The following PPP1R9A variants were observed in gnomAD, a reference collection of about 807,000 sequenced individuals.
PPP1R9A encodes protein phosphatase 1 regulatory subunit 9A, also known as neurabin-1.
A neutral mutation model predicts 141.9 loss-of-function variants in PPP1R9A; 59 were observed. The ratio of observed to expected loss-of-function variants is 0.42; its 90% CI spans 0.34 to 0.52. PPP1R9A has a LOEUF of 0.52. Ranked by LOEUF, PPP1R9A falls within the 20% of genes least tolerant of loss-of-function variation. The probability of loss-of-function intolerance (pLI) is 0.10; values close to 1 mark genes in which losing one functional copy is unlikely to be tolerated. For synonymous variants in PPP1R9A, 500 were observed against 569.7 expected, an observed-to-expected ratio of 0.88 and a Z score of 1.74; for missense variants, 1,444 against 1,611.9, an observed-to-expected ratio of 0.90 and a Z score of 1.78.
chr7:95,010,413 T>C (rs1002223694), intron 2 of PPP1R9A, among the ~76,000 whole-genome samples: 1 of 151,658 alleles, frequency 6.6e-6, no homozygotes, highest in African/African-American at 2.4e-5. Context: ...CCATCAGAGA[T>C]GGCAAGAAAA....
rs1815723764 is a variant in PPP1R9A, at chr7:95,080,953, A to C, written c.1396-30306A>C. Among the ~76,000 whole-genome samples, 4 of 152,224 alleles carry C rather than the reference A, an allele frequency of 2.6e-5. No homozygotes were observed. In the South Asian group the frequency reaches 8.3e-4, roughly 32 times the overall value. On this transcript the variant is annotated intron_variant, in intron 2 of 19. Coordinates refer to ENST00000433360, the MANE Select transcript of PPP1R9A (RefSeq NM_001166160.2). ...ATTTTTCCATATGGGGTAAGATGTC[A>C]ATTAAAACATTATCAGGCAGGTCAA...
chr7:94,967,933 G>A (rs1317881800), intron 2 of PPP1R9A, among the ~76,000 whole-genome samples: 4 of 152,144 alleles, frequency 2.6e-5, no homozygotes, highest in African/African-American at 9.7e-5. Flanking sequence ...GGTCAACTTG[G>A]TCCAGAGCTG....
intron 8 of PPP1R9A, among the ~76,000 whole-genome samples, chr7:95,237,430 A>G (rs911386281): frequency 2.0e-4 from 30 of 151,962 alleles, no homozygotes; most frequent in Non-Finnish European, 3.2e-4. Context: ...TCCTGACCTC[A>G]GGTGATCTGC....
intron 4 of PPP1R9A, among the ~76,000 whole-genome samples, chr7:95,149,992 G>A (rs965808517): frequency 6.6e-6 from 1 of 152,006 alleles, no homozygotes; most frequent in South Asian, 2.1e-4. Flanking sequence ...GTGTGGTACT[G>A]GCAAAAGAAT....
chr7:94,924,612 TC>T (rs1793235458), intron 2 of PPP1R9A, among the ~76,000 whole-genome samples: 1 of 152,204 alleles, frequency 6.6e-6, no homozygotes, highest in African/African-American at 2.4e-5. Flanking sequence ...TACTGCAACT[TC>T]CGTCTCCCGA....
intron 2 of PPP1R9A, among the ~76,000 whole-genome samples, chr7:95,039,946 C>T (rs1364482676): frequency 6.6e-6 from 1 of 152,008 alleles, no homozygotes; most frequent in Non-Finnish European, 1.5e-5. Flanking sequence ...TCAAAACAAA[C>T]AAAAACCAAA....
At chr7:94,915,538 G>T (rs762571254) in intron 2 of PPP1R9A, among the ~76,000 whole-genome samples, 16 of 152,314 alleles carry the variant, frequency 1.1e-4, no homozygotes, top group Middle Eastern at 6.8e-3. Context: ...TATCTCAGAG[G>T]TTATGGAATA....
intron 2 of PPP1R9A, among the ~76,000 whole-genome samples, chr7:95,039,410 T>TG: frequency 6.6e-6 from 1 of 151,988 alleles, no homozygotes; most frequent in South Asian, 2.1e-4. Context: ...CTCTACTTTT[T>TG]AGTTGGGCTT....
chr7:95,168,488 T>C (rs140758401), intron 5 of PPP1R9A, among the ~76,000 whole-genome samples: 1 of 150,286 alleles, frequency 6.7e-6, no homozygotes, highest in Non-Finnish European at 1.5e-5. Flanking sequence ...TCTAGGCAAA[T>C]ACTTTATGGC....
intron 2 of PPP1R9A, chr7:95,018,185 G>T: frequency 4.5e-6 from 1 of 222,300 alleles, no homozygotes; most frequent in South Asian, 8.8e-5. Flanking sequence ...TTCATCTGCT[G>T]ACTCCAAGAA....
chr7:95,210,048 G>A (rs1457518800), intron 7 of PPP1R9A, among the ~76,000 whole-genome samples: 2 of 152,140 alleles, frequency 1.3e-5, no homozygotes, highest in Non-Finnish European at 2.9e-5. Context: ...ACTTTGGTCT[G>A]TCGACCGTTT....
intron 2 of PPP1R9A, among the ~76,000 whole-genome samples, chr7:95,094,463 G>C (rs1158442127): frequency 4.6e-5 from 7 of 152,140 alleles, no homozygotes; most frequent in Admixed American, 4.6e-4. Flanking sequence ...ACAGTGATGT[G>C]ATTAGAGCCA....
chr7:95,069,762 A>T (rs1268785013), intron 2 of PPP1R9A, among the ~76,000 whole-genome samples: 1 of 151,924 alleles, frequency 6.6e-6, no homozygotes, highest in Non-Finnish European at 1.5e-5. Flanking sequence ...TTTCTTTTTC[A>T]TGAGAATGTT....
chr7:95,130,390 AT>A (rs1824372552), intron 4 of PPP1R9A, among the ~76,000 whole-genome samples: 1 of 152,200 alleles, frequency 6.6e-6, no homozygotes, highest in South Asian at 2.1e-4. Context: ...CTTTGCCTAG[AT>A]TTCAGAGGAC....
chr7:95,102,017 A>C lies in PPP1R9A; in HGVS notation c.1396-9242A>C, dbSNP rs566691891. Reference sequence around the variant, plus strand: ...CTCTCCTTGCAAAAGTAGCTTATGGATATTATCTTTTACCTGGGTAGAGGG... The same window carrying C: ...CTCTCCTTGCAAAAGTAGCTTATGGCTATTATCTTTTACCTGGGTAGAGGG... On this transcript the variant is annotated intron_variant, in intron 2 of 19. Coordinates refer to ENST00000433360, the MANE Select transcript of PPP1R9A (RefSeq NM_001166160.2). Among the ~76,000 whole-genome samples the C allele has an allele frequency of 2.0e-4, 31 of 152,112 alleles. 1 individual carries two copies. Among genetic ancestry groups the C allele is most frequent in the Admixed American group, 6.5e-4 (10 of 15,268 alleles).
chr7:94,994,273 A>G (rs892003333), intron 2 of PPP1R9A, among the ~76,000 whole-genome samples: 2 of 152,120 alleles, frequency 1.3e-5, no homozygotes, highest in Non-Finnish European at 2.9e-5. Context: ...CGCTGGGTAT[A>G]GGGCAGGACA....
rs191260408 is a variant in PPP1R9A at position 95,044,743 on chromosome 7, A to T, written c.1396-66516A>T. 9.4e-3 allele frequency among the ~76,000 whole-genome samples: 1,367 copies of T among 145,044 alleles called. 41 individuals carry two copies. Among genetic ancestry groups the T allele is most frequent in the East Asian group, 0.09 (456 of 5,056 alleles). On this transcript the variant is annotated intron_variant, in intron 2 of 19. Transcript: ENST00000433360. ...ATATATATATATATAATATATATAT[A>T]TTTTTTTGTAGAGATGGAGGTGTCT...
intron 2 of PPP1R9A, among the ~76,000 whole-genome samples, chr7:95,103,797 T>C (rs1197088622): frequency 2.0e-5 from 3 of 152,228 alleles, no homozygotes; most frequent in African/African-American, 7.2e-5. Context: ...TGTAAAAATA[T>C]GAAAAACCGT....
At chr7:94,942,740 G>A (rs1384284729) in intron 2 of PPP1R9A, among the ~76,000 whole-genome samples, 2 of 151,850 alleles carry the variant, frequency 1.3e-5, no homozygotes, top group African/African-American at 4.8e-5. Context: ...GGAGGCAGAG[G>A]TTGCAGTGAG....
Sources: allele counts gnomAD v4.1 joint callset (sites outside exome capture counted in the v4.1 genomes callset), GRCh38; gene constraint gnomAD v4.1.1; transcripts MANE v1.5; gene names NCBI Gene and HGNC (gene_info 2026-07-23, HGNC 2026-07-21).